Variants in C10orf90 observed in about 807,000 individuals in gnomAD.
The protein encoded by C10orf90 is chromosome 10 open reading frame 90.
Under a neutral mutation model 62.5 loss-of-function variants are expected in C10orf90, and 56 were observed. That is an observed-to-expected ratio of 0.90 (90% CI 0.72 to 1.12). The LOEUF (loss-of-function observed/expected upper bound fraction) is 1.12. C10orf90 is among the 50% of genes most tolerant of loss of function. The pLI, the probability that C10orf90 is intolerant of heterozygous loss-of-function variation, is 0.00. For synonymous variants in C10orf90, 386 were observed against 340.4 expected (o/e 1.13, Z -1.47); for missense variants, 970 against 880.4 (o/e 1.10, Z -1.29).
At chr10:126,595,778 C>T (rs1482803181) in intron 2 of C10orf90, among the ~76,000 whole-genome samples, 1 of 152,016 alleles carries the variant, frequency 6.6e-6, no homozygotes, top group African/African-American at 2.4e-5. Context: ...GTGGAGGAGC[C>T]CTGACTGGGA....
chr10:126,587,323 A>G lies in C10orf90; in HGVS notation c.313+59242T>C, dbSNP rs940738850. ...CAGGCTGCCATAACGAAACACCACA[A>G]AGTGGTTGCCTTTACCAAGAGAAAT... is the stretch of plus-strand genomic sequence containing the variant. On this transcript the variant is annotated intron_variant, in intron 2 of 9. Coordinates refer to ENST00000488181, the MANE Select transcript of C10orf90 (RefSeq NM_001350921.2). 2.0e-4 allele frequency among the ~76,000 whole-genome samples: 31 copies of G among 152,290 alleles called. 1 individual carries two copies. Among genetic ancestry groups the G allele is most frequent in the African/African-American group, 6.0e-4 (25 of 41,562 alleles).
At chr10:126,513,822 T>C (rs371780966) in intron 3 of C10orf90, 26 bp downstream of exon 3, 8 of 1,463,124 alleles carry the variant, frequency 5.5e-6, no homozygotes, top group Non-Finnish European at 6.7e-6. Flanking sequence ...TTGCTGACTA[T>C]TCTAGAAGTT....
intron 1 of C10orf90, among the ~76,000 whole-genome samples, chr10:126,663,639 C>T (rs1043634347): frequency 6.6e-6 from 1 of 152,098 alleles, no homozygotes; most frequent in Non-Finnish European, 1.5e-5. Flanking sequence ...ACATCTGCCC[C>T]CACCCCCTGC....
intron 2 of C10orf90, among the ~76,000 whole-genome samples, chr10:126,530,070 A>G (rs1864053337): frequency 6.6e-6 from 1 of 152,242 alleles, no homozygotes; most frequent in Non-Finnish European, 1.5e-5. Flanking sequence ...GATATATAAG[A>G]CTGTTTATTG....
In C10orf90 at chr10:126,504,411, T is replaced by C. The variant is rs1862589183; in HGVS notation, c.1080A>G (p.Ser360=). The part of the protein sequence containing the change: ...HLRVSQQCPD[S]IYYVDKSLSV... ...AGAGAGACTTGTCTACGTAATAGAT[T>C]GAATCTGGACACTGCTGAGACACCC... Residue 360 remains serine (S), a synonymous_variant, in exon 4 of 10, where the codon TCA becomes TCG. Coordinates refer to ENST00000488181, the MANE Select transcript of C10orf90 (RefSeq NM_001350921.2). This position sits in a 1 kb window ranked among gnomAD's most constrained non-coding sequence, Gnocchi z 4.1. 1 of 1,614,034 alleles carries C rather than the reference T, an allele frequency of 6.2e-7. No individual in the cohort carries two copies. Among genetic ancestry groups the C allele is most frequent in the Non-Finnish European group, 8.5e-7 (1 of 1,180,034 alleles).
chr10:126,661,301 C>G (rs1005930279), intron 1 of C10orf90, among the ~76,000 whole-genome samples: 1 of 152,178 alleles, frequency 6.6e-6, no homozygotes, highest in Non-Finnish European at 1.5e-5. Flanking sequence ...CATGCCAATT[C>G]CAAGGCTCAA....
At chr10:126,487,290 C>A (rs891319617) in intron 4 of C10orf90, among the ~76,000 whole-genome samples, 1 of 150,604 alleles carries the variant, frequency 6.6e-6, no homozygotes, top group African/African-American at 2.4e-5. Context: ...GGAATAAAGA[C>A]AAAATCCATC....
chr10:126,604,010 GA>G (rs1202434497), intron 2 of C10orf90, among the ~76,000 whole-genome samples: 2 of 152,208 alleles, frequency 1.3e-5, no homozygotes, highest in Non-Finnish European at 2.9e-5. Flanking sequence ...GCCTGGAGTT[GA>G]AATTAGGTGG....
At chr10:126,520,453 A>G (rs553876745) in intron 2 of C10orf90, 33 of 152,392 alleles carry the variant, frequency 2.2e-4, no homozygotes, top group African/African-American at 7.9e-4. Flanking sequence ...CCTGCTTCCC[A>G]CAGGGGCTGG....
intron 2 of C10orf90, among the ~76,000 whole-genome samples, chr10:126,604,349 T>G (rs1845262982): frequency 6.6e-6 from 1 of 152,202 alleles, no homozygotes; most frequent in Non-Finnish European, 1.5e-5. Context: ...GCAGGTAATT[T>G]ATTTTGCCTG....
intron 1 of C10orf90, among the ~76,000 whole-genome samples, chr10:126,662,855 T>C (rs966519059): frequency 1.9e-4 from 28 of 148,552 alleles, no homozygotes; most frequent in African/African-American, 6.2e-4. Flanking sequence ...CCTGGCATCA[T>C]TGGGATGGGT....
At chr10:126,625,978 A>G (rs189493204) in intron 2 of C10orf90, among the ~76,000 whole-genome samples, 5 of 152,144 alleles carry the variant, frequency 3.3e-5, no homozygotes, top group African/African-American at 1.2e-4. Flanking sequence ...AAATAAAATA[A>G]AATAGCCGGG....
At chr10:126,625,999 G>C (rs1238315901) in intron 2 of C10orf90, among the ~76,000 whole-genome samples, 2 of 151,986 alleles carry the variant, frequency 1.3e-5, no homozygotes, top group Non-Finnish European at 2.9e-5. Flanking sequence ...TATGGTGGCA[G>C]ATGCCTGTAA....
At chr10:126,566,475 G>A (rs770412630) in intron 2 of C10orf90, among the ~76,000 whole-genome samples, 2 of 152,172 alleles carry the variant, frequency 1.3e-5, no homozygotes, top group Non-Finnish European at 2.9e-5. Context: ...GGAAACACAA[G>A]GGCTGCAATG....
At chr10:126,595,788 A>T (rs1258157735) in intron 2 of C10orf90, among the ~76,000 whole-genome samples, 2 of 152,150 alleles carry the variant, frequency 1.3e-5, no homozygotes, top group African/African-American at 4.8e-5. Flanking sequence ...CCTGACTGGG[A>T]TTGAGGAGCA....
At chr10:126,606,131 G>A (rs1354236783) in intron 2 of C10orf90, among the ~76,000 whole-genome samples, 1 of 152,172 alleles carries the variant, frequency 6.6e-6, no homozygotes, top group African/African-American at 2.4e-5. Context: ...TGGGAACCCA[G>A]GCATTCTCAA....
intron 2 of C10orf90, among the ~76,000 whole-genome samples, chr10:126,589,242 T>C (rs1844933495): frequency 6.6e-6 from 1 of 152,124 alleles, no homozygotes; most frequent in Admixed American, 6.5e-5. Flanking sequence ...TTGGGGTACC[T>C]GAAAGAGATG....
Position 126,534,669 on chromosome 10 carries a change from G to A in C10orf90, c.314-20730C>T, listed in dbSNP as rs181167632. ...AGAAGATGATATCACCATTGGGTCC[G>A]GGCCACCTTCATTTTTCTACTCCGT... On this transcript the variant is annotated intron_variant, in intron 2 of 9. Coordinates refer to ENST00000488181, the MANE Select transcript of C10orf90 (RefSeq NM_001350921.2). Among the ~76,000 whole-genome samples the A allele has an allele frequency of 4.7e-4, 72 of 152,170 alleles. 1 individual carries two copies. Among genetic ancestry groups the A allele is most frequent in the African/African-American group, 1.5e-3 (62 of 41,486 alleles).
At chr10:126,490,052 ATGT>A (rs1416258512) in intron 4 of C10orf90, among the ~76,000 whole-genome samples, 22 of 89,704 alleles carry the variant, frequency 2.5e-4, no homozygotes, top group South Asian at 2.9e-4. Context: ...ATTATATATT[ATGT>A]TATATAATAT....
Sources: allele counts gnomAD v4.1 joint callset (sites outside exome capture counted in the v4.1 genomes callset), GRCh38; gene constraint gnomAD v4.1.1; non-coding constraint Gnocchi (gnomAD v3.1); transcripts MANE v1.5; gene names NCBI Gene and HGNC (gene_info 2026-07-23, HGNC 2026-07-21).